Variants in FGF23 observed in about 807,000 individuals in gnomAD.
FGF23 encodes the protein fibroblast growth factor 23.
A neutral mutation model predicts 9.0 loss-of-function variants in FGF23; 8 were observed. That is an observed-to-expected ratio of 0.89 (90% confidence interval 0.52 to 1.60). The LOEUF (loss-of-function observed/expected upper bound fraction) is 1.60. FGF23 is among the 40% of genes most tolerant of loss of function. The probability of loss-of-function intolerance (pLI) is 0.00; values close to 1 mark genes in which losing one functional copy is unlikely to be tolerated. For missense variants in FGF23, 311 were observed against 344.3 expected (o/e 0.90, Z 0.77); for synonymous variants, 118 against 146.2 (o/e 0.81, Z 1.39).
At chr12:4,377,028 C>T (rs2120741893) in intron 1 of FGF23, among the ~76,000 whole-genome samples, 1 of 152,264 alleles carries the variant, frequency 6.6e-6, no homozygotes, top group East Asian at 1.9e-4. Context: ...GTGCCTATGT[C>T]TAAGGAAACA....
chr12:4,371,637 C>T lies in FGF23; in HGVS notation c.316-854G>A, dbSNP rs565491018. 3.9e-5 allele frequency among the ~76,000 whole-genome samples: 6 copies of T among 152,262 alleles called. No homozygotes were observed. In the East Asian group the frequency reaches 5.8e-4, roughly 15 times the overall value. On this transcript the variant is annotated intron_variant, in intron 2 of 2. Coordinates refer to ENST00000237837, the MANE Select transcript of FGF23 (RefSeq NM_020638.3). ...TTGGGAAATCCTTTGCTTACCAATC[C>T]GAATGAATAGCTATCACAATTGGGG...
chr12:4,378,684 C>T (rs1338575248), intron 1 of FGF23, among the ~76,000 whole-genome samples: 2 of 151,930 alleles, frequency 1.3e-5, no homozygotes, highest in Non-Finnish European at 2.9e-5. Context: ...ATACTGGGTA[C>T]CTGGGTACCT....
At chr12:4,373,288 A>G (rs1591673331) in intron 1 of FGF23, among the ~76,000 whole-genome samples, 1 of 152,204 alleles carries the variant, frequency 6.6e-6, no homozygotes, top group Non-Finnish European at 1.5e-5. Context: ...CACCATCTCT[A>G]TGAAGACTTT....
chr12:4,377,171 G>A (rs1865125229), intron 1 of FGF23, among the ~76,000 whole-genome samples: 1 of 152,148 alleles, frequency 6.6e-6, no homozygotes, highest in Non-Finnish European at 1.5e-5. Context: ...TCAAGGAAAA[G>A]GTCTAAGTTC....
At chr12:4,379,314 C>T in intron 1 of FGF23, 58 bp downstream of exon 1, 1 of 1,508,808 alleles carries the variant, frequency 6.6e-7, no homozygotes, top group Non-Finnish European at 9.1e-7. Context: ...CTCCCCAAGC[C>T]TCCTGTAGAT....
chr12:4,373,523 C>A (rs2120735368), intron 1 of FGF23, among the ~76,000 whole-genome samples: 1 of 152,214 alleles, frequency 6.6e-6, no homozygotes, highest in African/African-American at 2.4e-5. Context: ...TGGGTTGGTT[C>A]TTTGTCATTT....
chr12:4,377,422 CTTTTTTTTT>C (rs11397562), intron 1 of FGF23, among the ~76,000 whole-genome samples: 4 of 69,478 alleles, frequency 5.8e-5, no homozygotes, highest in Admixed American at 2.3e-4. Context: ...CACATATAGT[CTTTTTTTTT>C]TTTTTTTTTT....
chr12:4,370,644 G>C lies in FGF23; in HGVS notation c.455C>G (p.Pro152Arg). ...KRAFLPGMNP[P>R]PYSQFLSRRN... ...CCGGGACAGGAACTGGGAGTACGGG[G>C]GTGGGTTCATGCCTGGCAGGAAGGC... is the stretch of plus-strand genomic sequence containing the variant. Residue 152 changes from proline (P) to arginine (R), a missense_variant, in exon 3 of 3, where the codon CCC (proline) becomes CGC (arginine). By Grantham distance (103) the Pro-to-Arg change is moderately radical (BLOSUM62 -2). Around this residue, in one of 3 missense-constraint regions of FGF23, gnomAD observed 206 missense variants for 219.2 expected, o/e 0.94. Transcript: ENST00000237837. 1.2e-6 allele frequency: 2 copies of C among 1,614,152 alleles called. No individual in the cohort carries two copies. The highest frequency in any genetic ancestry group is 1.1e-5 in the South Asian group (1 of 91,082).
Position 4,370,696 on chromosome 12 carries a change from G to A in FGF23, c.403C>T (p.Leu135=). The A allele has an allele frequency of 6.2e-7, 1 of 1,614,188 alleles. No individual in the cohort carries two copies. Among genetic ancestry groups the A allele is most frequent in the Non-Finnish European group, 8.5e-7 (1 of 1,180,012 alleles). ...DVYHSPQYHF[L]VSLGRAKRAF... The stretch of plus-strand genomic sequence containing the variant: ...CTCTTCGCCCGGCCCAGACTGACCA[G>A]GAAGTGATACTGAGGAGAGTGGTAG... The change falls in exon 3 of 3, where the codon CTG becomes TTG. Residue 135 remains leucine (L), a synonymous_variant. Coordinates refer to ENST00000237837, the MANE Select transcript of FGF23 (RefSeq NM_020638.3).
chr12:4,379,373 G>A lies in FGF23; in HGVS notation c.210C>T (p.Tyr70=), dbSNP rs747749073. The change falls in exon 1 of 3, where the codon TAC becomes TAT. Residue 70 remains tyrosine (Y), a splice_region_variant and synonymous_variant. Coordinates refer to ENST00000237837, the MANE Select transcript of FGF23 (RefSeq NM_020638.3). ...TTCCCAGCCTGAAGCCCTACTCACT[G>A]TAGATGGTCTGATGGGGTGCGCCAT... ...HVDGAPHQTI[Y]SALMIRSEDA... The A allele has an allele frequency of 2.3e-5, 37 of 1,610,670 alleles. No homozygotes were observed. The highest frequency in any genetic ancestry group is 3.0e-5 in the Non-Finnish European group (35 of 1,179,502).
At chr12:4,377,118 C>G (rs1204361808) in intron 1 of FGF23, among the ~76,000 whole-genome samples, 2 of 152,168 alleles carry the variant, frequency 1.3e-5, no homozygotes, top group Non-Finnish European at 2.9e-5. Context: ...TTCACTCTAA[C>G]TAGCACTCAG....
chr12:4,372,345 G>T (rs887956580), intron 2 of FGF23, among the ~76,000 whole-genome samples: 1 of 152,020 alleles, frequency 6.6e-6, no homozygotes, highest in African/African-American at 2.4e-5. Flanking sequence ...AAAAAAGTGG[G>T]TTCCAATGGG....
chr12:4,377,725 T>C (rs61909254), intron 1 of FGF23, among the ~76,000 whole-genome samples: 125,948 of 151,162 alleles, frequency 0.83, 52,595 homozygotes, highest in Middle Eastern at 0.93. Flanking sequence ...CCACCACACC[T>C]GGCCCACATA....
chr12:4,370,132 T>G lies in FGF23; in HGVS notation c.*211A>C. Reference sequence around the variant, plus strand: ...GGGTTTCCTATTGGGAAAGGTGTTCTATATGGAGTGAGGAAGGCGGTGAAA... The same window carrying G: ...GGGTTTCCTATTGGGAAAGGTGTTCGATATGGAGTGAGGAAGGCGGTGAAA... On this transcript the variant is annotated 3_prime_UTR_variant, in exon 3 of 3. Transcript: ENST00000237837. 1 of 591,142 alleles carries G rather than the reference T, an allele frequency of 1.7e-6. No homozygotes were observed. Among genetic ancestry groups the G allele is most frequent in the East Asian group, 2.8e-5 (1 of 35,716 alleles). The allele number at this position is 591,142 out of a possible 1,614,324, so 36.6% of individuals were successfully genotyped here. A position where few individuals can be genotyped will look rare whatever the true frequency, so the allele number is the denominator to read the frequency against.
chr12:4,373,128 A>G (rs550365339), intron 1 of FGF23, among the ~76,000 whole-genome samples: 3 of 152,350 alleles, frequency 2.0e-5, no homozygotes, highest in East Asian at 1.9e-4. Context: ...CCAGCTTGCC[A>G]TAGAGTCTGA....
rs1865053048 is a variant in FGF23, at chr12:4,370,612, C to T, written c.487G>A (p.Glu163Lys). Residue 163 changes from glutamate to lysine, a missense_variant, in exon 3 of 3, where the codon GAG (glutamate) becomes AAG (lysine). Coordinates refer to ENST00000237837, the MANE Select transcript of FGF23 (RefSeq NM_020638.3). ...GTGTTGAAGTGAATTAGGGGGATCT[C>T]GTTCCTCCGGGACAGGAACTGGGAG... is the stretch of plus-strand genomic sequence containing the variant. ...PYSQFLSRRNEIPLIHFNTPI... is the reference protein window; with the variant it reads ...PYSQFLSRRNKIPLIHFNTPI... The T allele has an allele frequency of 1.2e-6, 2 of 1,614,006 alleles. No homozygotes were observed. Among genetic ancestry groups the T allele is most frequent in the Non-Finnish European group, 1.7e-6 (2 of 1,179,922 alleles).
chr12:4,379,664 C>T lies in FGF23; in HGVS notation c.-82G>A. ...CTCTCCTGGCCCAGGCCTTACTGGC[C>T]TTTTCCTTCTCCCTTGCAAGTAGCT... On this transcript the variant is annotated 5_prime_UTR_variant, in exon 1 of 3. Coordinates refer to ENST00000237837, the MANE Select transcript of FGF23 (RefSeq NM_020638.3). 8.3e-7 allele frequency: 1 copy of T among 1,200,040 alleles called. No homozygotes were observed. The highest frequency in any genetic ancestry group is 1.2e-6 in the Non-Finnish European group (1 of 840,196). 74.3% of individuals were successfully genotyped at this position (1,200,040 alleles called of 1,614,324 possible). A position where few individuals can be genotyped will look rare whatever the true frequency, so the allele number is the denominator to read the frequency against.
Position 4,370,329 on chromosome 12 carries a change from C to A in FGF23, c.*14G>T, listed in dbSNP as rs1489157031. 1 of 1,610,678 alleles carries A rather than the reference C, an allele frequency of 6.2e-7. No homozygotes were observed. Among genetic ancestry groups the A allele is most frequent in the African/African-American group, 1.3e-5 (1 of 74,990 alleles). Reference sequence around the variant, plus strand: ...GCTGAGGGATGGGTTAAAGAGGGTGCCCTTCCAGCGACCCTAGATGAACTT... The same window carrying A: ...GCTGAGGGATGGGTTAAAGAGGGTGACCTTCCAGCGACCCTAGATGAACTT... On this transcript the variant is annotated 3_prime_UTR_variant, in exon 3 of 3. Coordinates refer to ENST00000237837, the MANE Select transcript of FGF23 (RefSeq NM_020638.3).
At chr12:4,378,065 G>A (rs1308171750) in intron 1 of FGF23, among the ~76,000 whole-genome samples, 7 of 152,128 alleles carry the variant, frequency 4.6e-5, no homozygotes, top group Non-Finnish European at 1.5e-5. Context: ...AACCTGTTTG[G>A]TATTCGGAGA....
Sources: gnomAD v4.1 joint callset for allele counts (sites outside exome capture counted in the v4.1 genomes callset) on GRCh38, gnomAD v4.1.1 for gene constraint, gnomAD v4.1.1 regional missense constraint, MANE v1.5 for transcripts, NCBI Gene and HGNC (gene_info 2026-07-23, HGNC 2026-07-21) for gene names.